CNTN4: variants seen among roughly 807,000 people sequenced by gnomAD.
The protein encoded by CNTN4 is contactin-4.
A neutral mutation model predicts 122.5 loss-of-function variants in CNTN4; 77 were observed. That is an observed-to-expected ratio of 0.63 (90% CI 0.52 to 0.76). The LOEUF is 0.76. Among genes scored for constraint, CNTN4 ranks in the 30% least tolerant of loss-of-function variants. The pLI, the probability that CNTN4 is intolerant of heterozygous loss-of-function variation, is 0.00. For synonymous variants in CNTN4, 512 were observed against 447.0 expected, an observed-to-expected ratio of 1.15 and a Z score of -1.83; for missense variants, 1,256 against 1,259.1, an observed-to-expected ratio of 1.00 and a Z score of 0.04.
At chr3:2,991,878 G>A (rs1695084173) in intron 14 of CNTN4, among the ~76,000 whole-genome samples, 1 of 152,104 alleles carries the variant, frequency 6.6e-6, no homozygotes, top group African/African-American at 2.4e-5. Flanking sequence ...TATCAGAGAA[G>A]GTGTTCTGTA....
chr3:2,182,516 C>T (rs1872914), intron 2 of CNTN4, among the ~76,000 whole-genome samples: 21,564 of 151,860 alleles, frequency 0.14, 1,725 homozygotes, highest in East Asian at 0.26. Flanking sequence ...AATATCTGCC[C>T]ATCCATATAT....
chr3:3,040,341 G>A (rs4685596), intron 20 of CNTN4, 70 bp downstream of exon 20: 21 of 1,161,374 alleles, frequency 1.8e-5, no homozygotes, highest in South Asian at 3.7e-5. Context: ...ATTGTAGCAC[G>A]TACAATCAAT....
chr3:2,647,984 C>T (rs756656944), intron 4 of CNTN4, among the ~76,000 whole-genome samples: 23 of 152,236 alleles, frequency 1.5e-4, no homozygotes, highest in East Asian at 5.8e-4. Context: ...TTGCAGTTGA[C>T]GCTTATGCAA....
intron 8 of CNTN4, among the ~76,000 whole-genome samples, chr3:2,873,762 C>G (rs2093813008): frequency 6.6e-6 from 1 of 152,150 alleles, no homozygotes; most frequent in African/African-American, 2.4e-5. Flanking sequence ...TTTAGGAGAT[C>G]TCTTCTAGAT....
chr3:2,387,245 G>A (rs887755595), intron 3 of CNTN4, among the ~76,000 whole-genome samples: 3 of 152,082 alleles, frequency 2.0e-5, no homozygotes, highest in Admixed American at 6.6e-5. Flanking sequence ...TCTTAAAAAT[G>A]CTTTTGGTAA....
rs59678691 is a variant in CNTN4 at position 2,326,308 on chromosome 3, C to G, written c.-144-12870C>G. On this transcript the variant is annotated intron_variant, in intron 2 of 24. Transcript: ENST00000418658. ...ACATTGGCTCATCCTAGGTCTCACA[C>G]CTGTCAGCCTTCAGACTGGAAATAC... is the stretch of plus-strand genomic sequence containing the variant. Among the ~76,000 whole-genome samples, 716 of 152,220 alleles carry G rather than the reference C, an allele frequency of 4.7e-3. 2 individuals carry two copies. Among genetic ancestry groups the G allele is most frequent in the African/African-American group, 0.016 (679 of 41,518 alleles).
rs1445962427 is a variant in CNTN4, at chr3:2,141,707, G to A, written c.-145+41068G>A. Among the ~76,000 whole-genome samples the A allele has an allele frequency of 2.6e-5, 4 of 152,090 alleles. No homozygotes were observed. The East Asian group carries it at 7.7e-4, about 29-fold the overall frequency. ...TCTAAAATCATATAGCTCCCTGAGT[G>A]TCAAACTGATAACTACATAATCACA... On this transcript the variant is annotated intron_variant, in intron 2 of 24. Transcript: ENST00000418658.
intron 2 of CNTN4, among the ~76,000 whole-genome samples, chr3:2,186,885 A>G (rs2037295884): frequency 6.6e-6 from 1 of 151,904 alleles, no homozygotes; most frequent in South Asian, 2.1e-4. Flanking sequence ...TTGCCTGTTC[A>G]CTCTGATGGT....
intron 2 of CNTN4, among the ~76,000 whole-genome samples, chr3:2,237,329 G>A (rs943395223): frequency 1.3e-5 from 2 of 152,116 alleles, no homozygotes; most frequent in African/African-American, 2.4e-5. Flanking sequence ...TTTACTGTAA[G>A]CTGGGTGTGG....
At chr3:2,680,655 A>G (rs1576440523) in intron 4 of CNTN4, among the ~76,000 whole-genome samples, 1 of 152,200 alleles carries the variant, frequency 6.6e-6, no homozygotes, top group African/African-American at 2.4e-5. Context: ...TACATGAATT[A>G]TGTAATAACT....
chr3:2,327,107 C>T (rs12491715), intron 2 of CNTN4, among the ~76,000 whole-genome samples: 53,174 of 151,400 alleles, frequency 0.35, 10,286 homozygotes, highest in East Asian at 0.8. Context: ...TCAAGTTGGT[C>T]TAGAATTACA....
intron 3 of CNTN4, among the ~76,000 whole-genome samples, chr3:2,376,324 C>T (rs534831801): frequency 6.6e-6 from 1 of 152,084 alleles, no homozygotes; most frequent in Non-Finnish European, 1.5e-5. Context: ...TCTTGTTTAA[C>T]GTTCCTAGTA....
intron 6 of CNTN4, among the ~76,000 whole-genome samples, chr3:2,765,171 C>T (rs1201108478): frequency 6.6e-6 from 1 of 152,148 alleles, no homozygotes; most frequent in Non-Finnish European, 1.5e-5. Flanking sequence ...AAGGTGAAGC[C>T]GTGTTTTGTT....
intron 3 of CNTN4, among the ~76,000 whole-genome samples, chr3:2,389,834 C>A (rs1170619320): frequency 6.6e-6 from 1 of 152,138 alleles, no homozygotes; most frequent in Admixed American, 6.5e-5. Flanking sequence ...AAAAAAATTT[C>A]ACGGAAGTAT....
intron 4 of CNTN4, among the ~76,000 whole-genome samples, chr3:2,629,758 G>A (rs1270243711): frequency 6.6e-6 from 1 of 152,096 alleles, no homozygotes; most frequent in Admixed American, 6.6e-5. Context: ...CTGATGCTGT[G>A]TTATTCTGTT....
At chr3:2,584,678 C>G (rs1351347650) in intron 4 of CNTN4, among the ~76,000 whole-genome samples, 1 of 52,876 alleles carries the variant, frequency 1.9e-5, no homozygotes, top group Non-Finnish European at 3.0e-5. Context: ...GCCTGGATGA[C>G]AAAAGCAAAA....
chr3:2,501,758 AG>A (rs1389946742), intron 3 of CNTN4, among the ~76,000 whole-genome samples: 1 of 152,150 alleles, frequency 6.6e-6, no homozygotes, highest in East Asian at 1.9e-4. Flanking sequence ...CAATCTTTAA[AG>A]TCCCTTTCAC....
intron 3 of CNTN4, among the ~76,000 whole-genome samples, chr3:2,428,581 G>A (rs926646254): frequency 6.6e-6 from 1 of 152,086 alleles, no homozygotes. Flanking sequence ...GAGTATCTTT[G>A]TTGCATTCTC....
chr3:3,019,765 A>AATATATATATATATATATATAT (rs67229453), intron 14 of CNTN4, among the ~76,000 whole-genome samples: 2 of 138,038 alleles, frequency 1.4e-5, no homozygotes, highest in African/African-American at 5.5e-5. Flanking sequence ...TGTGTACACA[A>AATATATATATATATATATATAT]ATATATATAT....
Sources: gnomAD v4.1 joint callset for allele counts (sites outside exome capture counted in the v4.1 genomes callset) on GRCh38, gnomAD v4.1.1 for gene constraint, MANE v1.5 for transcripts, NCBI Gene and HGNC (gene_info 2026-07-23, HGNC 2026-07-21) for gene names.